The following PLXDC2 variants were observed in gnomAD, a reference collection of about 807,000 sequenced individuals.
The protein encoded by PLXDC2 is plexin domain containing 2.
PLXDC2 carries 40 observed loss-of-function variants against 68.9 expected under a neutral mutation model. That is an observed-to-expected ratio of 0.58 (90% CI 0.45 to 0.76). The LOEUF is 0.76. PLXDC2 is among the 30% of genes least tolerant of loss of function. PLXDC2 has a pLI of 0.00. For synonymous variants in PLXDC2, 243 were observed against 234.2 expected (o/e 1.04, Z -0.34); for missense variants, 644 against 661.9 (o/e 0.97, Z 0.30).
intron 4 of PLXDC2, among the ~76,000 whole-genome samples, chr10:20,098,333 C>T (rs1026727141): frequency 2.2e-5 from 3 of 134,700 alleles, no homozygotes; most frequent in Non-Finnish European, 3.2e-5. Context: ...TCTGTCTTCC[C>T]GTCATTTTCG....
chr10:19,869,000 A>G (rs180783436), intron 1 of PLXDC2, among the ~76,000 whole-genome samples: 3 of 152,296 alleles, frequency 2.0e-5, no homozygotes, highest in South Asian at 2.1e-4. Context: ...CTTCTGCCCT[A>G]TCCCACAGAT....
intron 13 of PLXDC2, among the ~76,000 whole-genome samples, chr10:20,279,378 C>T (rs1836051516): frequency 6.6e-6 from 1 of 151,950 alleles, no homozygotes; most frequent in Non-Finnish European, 1.5e-5. Flanking sequence ...TATTACAGTT[C>T]CTTTTTGCCT....
chr10:20,171,966 T>C (rs547368303), intron 7 of PLXDC2, among the ~76,000 whole-genome samples: 3 of 151,942 alleles, frequency 2.0e-5, no homozygotes, highest in East Asian at 3.9e-4. Flanking sequence ...GGGAGAGGGT[T>C]TGGGGATGAG....
intron 4 of PLXDC2, among the ~76,000 whole-genome samples, chr10:20,118,417 G>T (rs1047732424): frequency 4.6e-5 from 7 of 152,108 alleles, no homozygotes; most frequent in African/African-American, 1.7e-4. Flanking sequence ...TGCAATCGGG[G>T]ACAGATTATG....
At chr10:20,167,412 T>C (rs957501473) in intron 7 of PLXDC2, among the ~76,000 whole-genome samples, 7 of 152,156 alleles carry the variant, frequency 4.6e-5, no homozygotes, top group Non-Finnish European at 1.0e-4. Flanking sequence ...GAGAAATAAG[T>C]TGATTCCTAC....
At chr10:19,983,970 C>T (rs1834595173) in intron 1 of PLXDC2, among the ~76,000 whole-genome samples, 1 of 152,142 alleles carries the variant, frequency 6.6e-6, no homozygotes. Context: ...AAAAGGCAGG[C>T]CCAAACTATA....
intron 9 of PLXDC2, among the ~76,000 whole-genome samples, chr10:20,182,102 A>T (rs12253372): frequency 1.1e-5 from 1 of 94,762 alleles, no homozygotes; most frequent in Admixed American, 9.3e-5. Flanking sequence ...TGTGTGTGTG[A>T]ATGAAGTTTA....
At chr10:20,111,375 C>T (rs1007369778) in intron 4 of PLXDC2, among the ~76,000 whole-genome samples, 3 of 152,150 alleles carry the variant, frequency 2.0e-5, no homozygotes, top group African/African-American at 7.2e-5. Context: ...ACACCAGCAA[C>T]TAATATTACA....
chr10:19,942,607 CA>C (rs571818245), intron 1 of PLXDC2, among the ~76,000 whole-genome samples: 209 of 152,152 alleles, frequency 1.4e-3, no homozygotes, highest in African/African-American at 4.7e-3. Context: ...ACCAAAAATA[CA>C]AAATAATTAG....
intron 2 of PLXDC2, among the ~76,000 whole-genome samples, chr10:20,022,310 T>C (rs912869858): frequency 1.3e-5 from 2 of 152,170 alleles, no homozygotes; most frequent in Admixed American, 6.6e-5. Context: ...GCTTACAGTC[T>C]AGTCGGGTTA....
At chr10:19,906,120 TAAA>T (rs1163939187) in intron 1 of PLXDC2, among the ~76,000 whole-genome samples, 1 of 151,786 alleles carries the variant, frequency 6.6e-6, no homozygotes, top group Non-Finnish European at 1.5e-5. Flanking sequence ...TGGAGCAAAA[TAAA>T]GAAGAGAGAG....
intron 13 of PLXDC2, among the ~76,000 whole-genome samples, chr10:20,257,984 C>CT (rs1387540378): frequency 3.5e-5 from 4 of 114,926 alleles, no homozygotes; most frequent in African/African-American, 6.7e-5. Flanking sequence ...TTGTGATTTT[C>CT]TTTTTTTTCT....
rs1197096288 is a variant in PLXDC2 at position 20,206,355 on chromosome 10, G to A, written c.1062-5314G>A. Among the ~76,000 whole-genome samples the A allele has an allele frequency of 3.9e-5, 6 of 152,202 alleles. No individual in the cohort carries two copies. In the South Asian group the frequency reaches 1.0e-3, roughly 26 times the overall value. On this transcript the variant is annotated intron_variant, in intron 9 of 13. Transcript: ENST00000377252. The stretch of plus-strand genomic sequence containing the variant: ...AGTATAATAGTGGACATTTGCACTT[G>A]GTGTTGGGGGGTCTCTGAGCAAGGG...
intron 3 of PLXDC2, among the ~76,000 whole-genome samples, chr10:20,058,870 A>G (rs1320340344): frequency 6.6e-6 from 1 of 152,212 alleles, no homozygotes; most frequent in Non-Finnish European, 1.5e-5. Flanking sequence ...GCTACCAGGT[A>G]AAGTGAGATT....
At chr10:20,118,649 C>G (rs113584622) in intron 4 of PLXDC2, among the ~76,000 whole-genome samples, 6 of 152,252 alleles carry the variant, frequency 3.9e-5, no homozygotes, top group South Asian at 2.1e-4. Flanking sequence ...TGATCAGCCA[C>G]TATGTAGAAT....
chr10:20,024,355 T>G (rs1835362080), intron 2 of PLXDC2, among the ~76,000 whole-genome samples: 1 of 152,176 alleles, frequency 6.6e-6, no homozygotes, highest in Admixed American at 6.6e-5. Flanking sequence ...TGTTGAACTT[T>G]GGATTTTATG....
chr10:19,846,556 C>G lies in PLXDC2; in HGVS notation c.112+29365C>G, dbSNP rs573142571. Among the ~76,000 whole-genome samples, 3 of 152,154 alleles carry G rather than the reference C, an allele frequency of 2.0e-5. No homozygotes were observed. In the East Asian group the frequency reaches 5.8e-4, roughly 29 times the overall value. On this transcript the variant is annotated intron_variant, in intron 1 of 13. Coordinates refer to ENST00000377252, the MANE Select transcript of PLXDC2 (RefSeq NM_032812.9). Reference sequence around the variant, plus strand: ...AACTCCTACTATAAACTTTTTTGGTCCATTACAATAAAATTGGTTTTTAGA... The same window carrying G: ...AACTCCTACTATAAACTTTTTTGGTGCATTACAATAAAATTGGTTTTTAGA...
Position 20,218,859 on chromosome 10 carries a change from A to G in PLXDC2, c.1274-205A>G, listed in dbSNP as rs138469408. On this transcript the variant is annotated intron_variant, in intron 11 of 13. Coordinates refer to ENST00000377252, the MANE Select transcript of PLXDC2 (RefSeq NM_032812.9). The stretch of plus-strand genomic sequence containing the variant: ...CATTCAAGATGTTACCAAAATCTTG[A>G]CATTACAATCTCTGTAGGAAATTTT... 9.5e-4 allele frequency among the ~76,000 whole-genome samples: 145 copies of G among 152,278 alleles called. 1 individual carries two copies. The highest frequency in any genetic ancestry group is 3.4e-3 in the African/African-American group (143 of 41,566).
chr10:20,177,107 G>A lies in PLXDC2; in HGVS notation c.979+13G>A. The stretch of plus-strand genomic sequence containing the variant: ...ACCCCATTACCCAGTAAGCGAATAT[G>A]TAAACCTAGGTGGAAAACATGATTT... On this transcript the variant is annotated intron_variant, in intron 8 of 13. Transcript: ENST00000377252. The A allele has an allele frequency of 6.4e-7, 1 of 1,562,316 alleles. No homozygotes were observed. The highest frequency in any genetic ancestry group is 8.8e-7 in the Non-Finnish European group (1 of 1,135,140).
Sources: allele counts gnomAD v4.1 joint callset (sites outside exome capture counted in the v4.1 genomes callset), GRCh38; gene constraint gnomAD v4.1.1; transcripts MANE v1.5; gene names NCBI Gene and HGNC (gene_info 2026-07-23, HGNC 2026-07-21).